CERS6: variants seen among roughly 807,000 people sequenced by gnomAD.
The protein encoded by CERS6 is LAG1 homolog, ceramide synthase 6.
In CERS6, 26 loss-of-function variants were observed where a neutral mutation model predicts 56.8. That is an observed-to-expected ratio of 0.46 (90% CI 0.34 to 0.63). The LOEUF (loss-of-function observed/expected upper bound fraction) is 0.63, where lower values mean the gene tolerates loss of function less well. CERS6 is among the 30% of genes least tolerant of loss of function. CERS6 has a pLI of 0.01. For synonymous variants in CERS6, 164 were observed against 173.3 expected (o/e 0.95, Z 0.42); for missense variants, 415 against 467.5 (o/e 0.89, Z 1.04).
At chr2:168,585,216 C>T (rs991682502) in intron 3 of CERS6, among the ~76,000 whole-genome samples, 1 of 152,234 alleles carries the variant, frequency 6.6e-6, no homozygotes, top group Non-Finnish European at 1.5e-5. Flanking sequence ...ATGAACAGCA[C>T]CTGCCTGGGC....
intron 1 of CERS6, among the ~76,000 whole-genome samples, chr2:168,518,305 C>G (rs984440217): frequency 3.9e-5 from 6 of 152,138 alleles, no homozygotes; most frequent in African/African-American, 1.4e-4. Context: ...CCTCTCTTAA[C>G]AGTAGCATAG....
At chr2:168,642,333 C>A (rs544695357) in intron 4 of CERS6, among the ~76,000 whole-genome samples, 4 of 151,120 alleles carry the variant, frequency 2.6e-5, no homozygotes, top group Non-Finnish European at 1.5e-5. Context: ...CAGAATGAGA[C>A]CCTGTCTCAA....
chr2:168,655,124 C>A (rs1370716455), intron 4 of CERS6, among the ~76,000 whole-genome samples: 1 of 152,156 alleles, frequency 6.6e-6, no homozygotes, highest in Non-Finnish European at 1.5e-5. Context: ...GGCCAACCGA[C>A]ATATGAGAAG....
At chr2:168,633,690 G>A (rs1259247593) in intron 4 of CERS6, among the ~76,000 whole-genome samples, 1 of 151,896 alleles carries the variant, frequency 6.6e-6, no homozygotes, top group Non-Finnish European at 1.5e-5. Context: ...TCTTGGAATG[G>A]ACAATATGTT....
At chr2:168,724,413 G>T (rs866341518) in intron 8 of CERS6, among the ~76,000 whole-genome samples, 1 of 152,264 alleles carries the variant, frequency 6.6e-6, no homozygotes, top group Middle Eastern at 3.4e-3. Flanking sequence ...CAACCTGAGT[G>T]GGTGGCCACT....
Position 168,464,174 on chromosome 2 carries a change from T to TGTGTGTGTG in CERS6, c.170+7556_170+7557insGTGTGTGTG, listed in dbSNP as rs1573999569. On this transcript the variant is annotated intron_variant, in intron 1 of 9. Transcript: ENST00000305747. ...TTCTCTGGTCACATATTTATACTTT[T>TGTGTGTGTG]TGTGTGTGTGTGTGTGTGTGTGTGT... Among the ~76,000 whole-genome samples the TGTGTGTGTG allele has an allele frequency of 6.4e-3, 901 of 139,784 alleles. 9 individuals are homozygous for TGTGTGTGTG. Among genetic ancestry groups the TGTGTGTGTG allele is most frequent in the East Asian group, 0.033 (155 of 4,690 alleles). 91.7% of individuals were successfully genotyped at this position (139,784 alleles called of 152,430 possible).
chr2:168,513,878 A>G (rs1246783041), intron 1 of CERS6, among the ~76,000 whole-genome samples: 2 of 152,092 alleles, frequency 1.3e-5, no homozygotes, highest in African/African-American at 4.8e-5. Flanking sequence ...AGGGAGAGAG[A>G]GAAAAGGTCA....
intron 3 of CERS6, among the ~76,000 whole-genome samples, chr2:168,589,554 C>T (rs1683624806): frequency 6.6e-6 from 1 of 152,182 alleles, no homozygotes; most frequent in South Asian, 2.1e-4. Context: ...GTTCCAATAC[C>T]ATGCATGCCT....
chr2:168,766,565 G>A (rs1388272189), intron 9 of CERS6, among the ~76,000 whole-genome samples: 1 of 152,222 alleles, frequency 6.6e-6, no homozygotes, highest in Non-Finnish European at 1.5e-5. Context: ...AATGTTGCAT[G>A]ATCCAACAGA....
At chr2:168,714,811 G>C (rs904811643) in intron 6 of CERS6, among the ~76,000 whole-genome samples, 190 bp from the exon 7 acceptor site, 3 of 152,114 alleles carry the variant, frequency 2.0e-5, no homozygotes, top group African/African-American at 7.2e-5. Flanking sequence ...GGCTTCCACT[G>C]ATCTCCTATG....
intron 8 of CERS6, among the ~76,000 whole-genome samples, chr2:168,724,813 C>A (rs1309134306): frequency 6.6e-6 from 1 of 152,262 alleles, no homozygotes; most frequent in Non-Finnish European, 1.5e-5. Context: ...CCCCACCAGA[C>A]TCAGGAGCCC....
At chr2:168,464,315 C>G (rs552111924) in intron 1 of CERS6, among the ~76,000 whole-genome samples, 23 of 151,950 alleles carry the variant, frequency 1.5e-4, no homozygotes, top group Non-Finnish European at 2.6e-4. Flanking sequence ...CCTCAGCCCC[C>G]CAAGTAGCTG....
intron 1 of CERS6, among the ~76,000 whole-genome samples, chr2:168,500,492 A>G (rs1694559769): frequency 6.6e-6 from 1 of 152,202 alleles, no homozygotes; most frequent in African/African-American, 2.4e-5. Context: ...AAGCCTGTGG[A>G]CATATCCAAC....
chr2:168,673,376 G>C (rs928768919), intron 4 of CERS6, among the ~76,000 whole-genome samples: 1 of 151,706 alleles, frequency 6.6e-6, no homozygotes, highest in South Asian at 2.1e-4. Context: ...TGATTCAAAA[G>C]TCTAAATTAC....
chr2:168,714,218 C>T (rs991729141), intron 6 of CERS6, among the ~76,000 whole-genome samples: 1 of 152,204 alleles, frequency 6.6e-6, no homozygotes, highest in African/African-American at 2.4e-5. Flanking sequence ...CTCCCAAATA[C>T]CCCACCTCCT....
chr2:168,759,117 C>A (rs1367077863), intron 8 of CERS6, among the ~76,000 whole-genome samples: 1 of 152,144 alleles, frequency 6.6e-6, no homozygotes, highest in Non-Finnish European at 1.5e-5. Context: ...TAAAATCACC[C>A]ACCAAGGCTA....
At chr2:168,578,202 T>C (rs1431033303) in intron 3 of CERS6, among the ~76,000 whole-genome samples, 1 of 152,026 alleles carries the variant, frequency 6.6e-6, no homozygotes, top group African/African-American at 2.4e-5. Flanking sequence ...ATTTCCACAT[T>C]GTTTACAGGA....
intron 1 of CERS6, among the ~76,000 whole-genome samples, chr2:168,505,573 T>G (rs1694662804): frequency 6.6e-6 from 1 of 152,014 alleles, no homozygotes; most frequent in Non-Finnish European, 1.5e-5. Flanking sequence ...CCTGACCGTT[T>G]ATATGGTTTG....
chr2:168,736,332 C>CT (rs576345259), intron 8 of CERS6, among the ~76,000 whole-genome samples: 27 of 151,416 alleles, frequency 1.8e-4, no homozygotes, highest in Admixed American at 3.9e-4. Context: ...CCCAAGTGGG[C>CT]TTTTTTTTTA....
Sources: gnomAD v4.1 joint callset for allele counts (sites outside exome capture counted in the v4.1 genomes callset) on GRCh38, gnomAD v4.1.1 for gene constraint, MANE v1.5 for transcripts, NCBI Gene and HGNC (gene_info 2026-07-23, HGNC 2026-07-21) for gene names.